DECR1: variants seen among roughly 807,000 people sequenced by gnomAD.
DECR1 encodes the protein 2,4-dienoyl-CoA reductase [(3E)-enoyl-CoA-producing], mitochondrial.
In DECR1, 44 loss-of-function variants were observed where a neutral mutation model predicts 38.8. The ratio of observed to expected loss-of-function variants is 1.13; its 90% CI spans 0.89 to 1.46. The LOEUF is 1.46. DECR1 is among the 40% of genes most tolerant of loss of function. The pLI is 0.00. For missense variants in DECR1, 428 were observed against 405.5 expected, an observed-to-expected ratio of 1.06 and a Z score of -0.48; for synonymous variants, 148 against 135.2, an observed-to-expected ratio of 1.09 and a Z score of -0.66.
intron 1 of DECR1, among the ~76,000 whole-genome samples, chr8:90,006,776 A>T (rs1812752477): frequency 6.6e-6 from 1 of 152,306 alleles, no homozygotes; most frequent in Non-Finnish European, 1.5e-5. Flanking sequence ...AAACATCCAA[A>T]CACCAGTGAT....
chr8:90,009,089 T>C (rs138062351), intron 1 of DECR1, among the ~76,000 whole-genome samples: 2 of 152,262 alleles, frequency 1.3e-5, no homozygotes, highest in East Asian at 3.9e-4. Flanking sequence ...TGCCTCAGAG[T>C]AAAAGCCTAA....
At chr8:90,049,612 T>G (rs1311926290) in intron 8 of DECR1, among the ~76,000 whole-genome samples, 1 of 152,208 alleles carries the variant, frequency 6.6e-6, no homozygotes, top group African/African-American at 2.4e-5. Flanking sequence ...CAAGGTAATT[T>G]ATAGATTCAG....
chr8:90,011,304 A>G (rs142897433), intron 1 of DECR1, among the ~76,000 whole-genome samples: 180 of 152,324 alleles, frequency 1.2e-3, no homozygotes, highest in African/African-American at 4.1e-3. Context: ...TAATAGATCC[A>G]TATAACTGTA....
chr8:90,051,797 C>T (rs998274646), intron 9 of DECR1, 41 bp from the exon 10 acceptor site: 1 of 1,612,354 alleles, frequency 6.2e-7, no homozygotes, highest in Admixed American at 1.7e-5. Flanking sequence ...GCTTTAAAAA[C>T]ATGTAAAAAG....
chr8:90,040,179 A>G (rs1388004701), intron 6 of DECR1, among the ~76,000 whole-genome samples: 3 of 152,188 alleles, frequency 2.0e-5, no homozygotes, highest in African/African-American at 4.8e-5. Context: ...TCAGTACAGT[A>G]ATTCTATTAA....
chr8:90,040,780 A>G (rs1463274823), intron 6 of DECR1, among the ~76,000 whole-genome samples: 3 of 152,118 alleles, frequency 2.0e-5, no homozygotes, highest in South Asian at 4.1e-4. Flanking sequence ...AGCTTCATCC[A>G]CATCCCTGCA....
chr8:90,014,831 G>C (rs564718185), intron 1 of DECR1, among the ~76,000 whole-genome samples: 158 of 152,168 alleles, frequency 1.0e-3, no homozygotes, highest in Non-Finnish European at 1.7e-3. Context: ...CTACTTGAGT[G>C]AACTTCTTGA....
Position 90,015,173 on chromosome 8 carries a change from A to T in DECR1, c.70-1951A>T, listed in dbSNP as rs149586032. On this transcript the variant is annotated intron_variant, in intron 1 of 9. Transcript: ENST00000220764. ...CAATCAAACAAACAAACAAAAAAAA[A>T]CAAATAATTATCTATAATCTCATCA... 1.6e-3 allele frequency among the ~76,000 whole-genome samples: 249 copies of T among 152,304 alleles called. 5 individuals carry two copies. The East Asian group carries it at 0.031, about 19-fold the overall frequency.
chr8:90,001,513 T>G lies in DECR1; in HGVS notation c.21T>G (p.Val7=), dbSNP rs763635224. The change falls in exon 1 of 10, where the codon GTT becomes GTG. Residue 7 remains valine, a synonymous_variant. Transcript: ENST00000220764. The part of the protein sequence containing the change: MKLPAR[V]FFTLGSRLPC... Reference sequence around the variant, plus strand: ...TCAACATGAAGCTACCGGCCAGGGTTTTCTTTACTCTGGGGTCCCGGCTGC... The same window carrying G: ...TCAACATGAAGCTACCGGCCAGGGTGTTCTTTACTCTGGGGTCCCGGCTGC... 1.9e-6 allele frequency: 3 copies of G among 1,614,026 alleles called. No homozygotes were observed. The highest frequency in any genetic ancestry group is 2.5e-6 in the Non-Finnish European group (3 of 1,179,922).
intron 8 of DECR1, 87 bp from the exon 9 acceptor site, chr8:90,051,590 C>T: frequency 1.0e-6 from 1 of 992,656 alleles, no homozygotes; most frequent in South Asian, 1.5e-5. Context: ...AGAGATATTC[C>T]ATCCAATTAG....
At position 90,021,057 on chromosome 8, in the gene DECR1, G is replaced by A. The variant is rs201468153; in HGVS notation, c.565+1G>A. ...AAACAACTAATTAAAGCACAGAAAGGTATGTTTATTTGCTTTTCTCATATT... is the reference window on the plus strand; with the variant it reads ...AAACAACTAATTAAAGCACAGAAAGATATGTTTATTTGCTTTTCTCATATT... On this transcript the variant is annotated splice_donor_variant, in intron 5 of 9. Coordinates refer to ENST00000220764, the MANE Select transcript of DECR1 (RefSeq NM_001359.2). LOFTEE classifies it high-confidence loss of function. 6.4e-7 allele frequency: 1 copy of A among 1,570,610 alleles called. No homozygotes were observed.
At chr8:90,041,025 T>C (rs140532297) in intron 6 of DECR1, among the ~76,000 whole-genome samples, 3,334 of 152,260 alleles carry the variant, frequency 0.022, 106 homozygotes, top group African/African-American at 0.075. Context: ...TATTTCTAGT[T>C]CTAGATCCTT....
chr8:90,027,460 C>A (rs1009879977), intron 5 of DECR1, among the ~76,000 whole-genome samples: 1 of 151,960 alleles, frequency 6.6e-6, no homozygotes, highest in Non-Finnish European at 1.5e-5. Context: ...TGAATTGATC[C>A]CTTTATCATT....
intron 1 of DECR1, 78 bp downstream of exon 1, chr8:90,001,639 C>T (rs553111123): frequency 8.8e-6 from 12 of 1,370,414 alleles, no homozygotes; most frequent in South Asian, 1.2e-5. Context: ...GTCACGGGGG[C>T]TCGGGGAGCG....
intron 5 of DECR1, among the ~76,000 whole-genome samples, chr8:90,032,992 T>C (rs936505804): frequency 2.3e-4 from 35 of 152,318 alleles, no homozygotes; most frequent in Middle Eastern, 6.8e-3. Flanking sequence ...ATACGCCCTA[T>C]GTTCCTGTTT....
At chr8:90,028,847 CA>C (rs1443718082) in intron 5 of DECR1, among the ~76,000 whole-genome samples, 4 of 151,692 alleles carry the variant, frequency 2.6e-5, no homozygotes, top group African/African-American at 9.7e-5. Flanking sequence ...CTTATTAACT[CA>C]TTTAACACTT....
intron 8 of DECR1, among the ~76,000 whole-genome samples, chr8:90,047,105 T>C (rs1813928899): frequency 6.6e-6 from 1 of 152,128 alleles, no homozygotes; most frequent in Non-Finnish European, 1.5e-5. Flanking sequence ...CCATCAATGC[T>C]ACAAAAAAAC....
rs771323617 is a variant in DECR1, at chr8:90,019,094, A to T, written c.339A>T (p.Ala113=). The change falls in exon 4 of 10, where the codon GCA becomes GCT. Residue 113 remains alanine, a synonymous_variant. Transcript: ENST00000220764. ...TTTTTGTTATTTTGCAGGTTCATGC[A>T]ATTCAGTGTGATGTGAGGGATCCTG... ...ISSQTGNKVH[A]IQCDVRDPDM... 11 of 1,614,114 alleles carry T rather than the reference A, an allele frequency of 6.8e-6. No individual in the cohort carries two copies. The East Asian group carries it at 2.5e-4, about 36-fold the overall frequency.
At chr8:90,015,499 A>G in intron 1 of DECR1, 1 of 337,004 alleles carries the variant, frequency 3.0e-6, no homozygotes, top group East Asian at 7.9e-5. Context: ...CTTTTTTTTC[A>G]TTTAACATCA....
Sources: gnomAD v4.1 joint callset for allele counts (sites outside exome capture counted in the v4.1 genomes callset) on GRCh38, gnomAD v4.1.1 for gene constraint, MANE v1.5 for transcripts, NCBI Gene and HGNC (gene_info 2026-07-23, HGNC 2026-07-21) for gene names.